SHROOM2: variants seen among roughly 807,000 people sequenced by gnomAD.
SHROOM2 encodes the protein protein Shroom2.
A neutral mutation model predicts 75.9 loss-of-function variants in SHROOM2; 33 were observed. The ratio of observed to expected loss-of-function variants is 0.43; its 90% CI spans 0.33 to 0.58. SHROOM2 has a LOEUF of 0.58. Among genes scored for constraint, SHROOM2 ranks in the 20% least tolerant of loss-of-function variants. SHROOM2 has a pLI of 0.04. For synonymous variants in SHROOM2, 655 were observed against 663.6 expected (o/e 0.99, Z 0.20); for missense variants, 1,434 against 1,461.2 (o/e 0.98, Z 0.30).
chrX:9,877,225 A>G (rs1005291580), intron 2 of SHROOM2, among the ~76,000 whole-genome samples: 7 of 111,689 alleles, frequency 6.3e-5, no homozygotes, highest in African/African-American at 2.0e-4. Flanking sequence ...GCGGATCACT[A>G]TCTCCGCAGA....
intron 1 of SHROOM2, among the ~76,000 whole-genome samples, chrX:9,825,431 G>A (rs781420999): frequency 8.9e-6 from 1 of 112,511 alleles, no homozygotes; most frequent in Admixed American, 9.4e-5. Flanking sequence ...ACAACATGGT[G>A]GGAGTCTGTT....
rs191693073 is a variant in SHROOM2 at position 9,837,769 on chromosome X, C to T, written c.166-35883C>T. ...AGCTCCTTGCGGCTGGGTGGGTCTC[C>T]TTCACCCTCCTGTCCTTGCTGGCTC... is the stretch of plus-strand genomic sequence containing the variant. On this transcript the variant is annotated intron_variant, in intron 1 of 9. Transcript: ENST00000380913. 3.0e-4 allele frequency among the ~76,000 whole-genome samples: 33 copies of T among 111,659 alleles called. No individual in the cohort carries two copies. In the East Asian group the frequency reaches 9.3e-3, roughly 32 times the overall value.
At chrX:9,888,278 G>A (rs1357228469) in intron 2 of SHROOM2, among the ~76,000 whole-genome samples, 1 of 111,866 alleles carries the variant, frequency 8.9e-6, no homozygotes, top group Non-Finnish European at 1.9e-5. Context: ...GGGGCCATAC[G>A]TGCAAATGAC....
At chrX:9,907,163 C>T (rs1026521053) in intron 5 of SHROOM2, among the ~76,000 whole-genome samples, 4 of 111,629 alleles carry the variant, frequency 3.6e-5, no homozygotes, top group Non-Finnish European at 5.7e-5. Flanking sequence ...AAGGAAACCT[C>T]TGAGTCAGGT....
At chrX:9,787,133 A>C (rs1427568545) in intron 1 of SHROOM2, among the ~76,000 whole-genome samples, 1 of 111,555 alleles carries the variant, frequency 9.0e-6, no homozygotes, top group African/African-American at 3.3e-5. Flanking sequence ...GATCACTACG[A>C]AATCCAGAGT....
intron 7 of SHROOM2, 113 bp from the exon 8 acceptor site, chrX:9,939,082 C>T: frequency 1.7e-6 from 1 of 598,698 alleles, no homozygotes; most frequent in Non-Finnish European, 2.5e-6. Flanking sequence ...ATCTCCCTGG[C>T]TGGTGTCCTT....
chrX:9,828,881 C>T (rs764493837), intron 1 of SHROOM2, among the ~76,000 whole-genome samples: 6 of 112,393 alleles, frequency 5.3e-5, no homozygotes, highest in African/African-American at 1.6e-4. Context: ...CAGGGTGTAG[C>T]GTAAGGACCA....
chrX:9,792,146 G>GAATAGAATAGAAT, intron 1 of SHROOM2, among the ~76,000 whole-genome samples: 2 of 8,623 alleles, frequency 2.3e-4, no homozygotes, highest in South Asian at 1.6e-3. Flanking sequence ...GAATAGAATA[G>GAATAGAATAGAAT]AATAGAATAG....
At chrX:9,889,382 G>A (rs997187584) in intron 2 of SHROOM2, among the ~76,000 whole-genome samples, 15 of 112,331 alleles carry the variant, frequency 1.3e-4, no homozygotes, top group African/African-American at 4.5e-4. Context: ...TCTCCACAAA[G>A]TATTTAAAGA....
intron 1 of SHROOM2, among the ~76,000 whole-genome samples, chrX:9,835,311 G>A (rs1396616263): frequency 1.8e-5 from 2 of 111,692 alleles, no homozygotes; most frequent in African/African-American, 6.5e-5. Context: ...AATTCCCGGG[G>A]CTCTGTCTCC....
intron 1 of SHROOM2, among the ~76,000 whole-genome samples, chrX:9,854,603 T>TA (rs1391425292): frequency 1.6e-4 from 18 of 112,386 alleles, no homozygotes; most frequent in African/African-American, 5.8e-4. Flanking sequence ...AGCAACTCAT[T>TA]ACTCTTCACG....
At chrX:9,802,016 T>C (rs1245917164) in intron 1 of SHROOM2, among the ~76,000 whole-genome samples, 1 of 111,738 alleles carries the variant, frequency 8.9e-6, no homozygotes, top group African/African-American at 3.2e-5. Flanking sequence ...CTTTTTACTC[T>C]TTGAAATGTA....
At chrX:9,800,843 G>T in intron 1 of SHROOM2, among the ~76,000 whole-genome samples, 1 of 108,746 alleles carries the variant, frequency 9.2e-6, no homozygotes, top group Non-Finnish European at 1.9e-5. Flanking sequence ...TTTATTTTTT[G>T]TAGATACAGA....
intron 5 of SHROOM2, among the ~76,000 whole-genome samples, chrX:9,900,927 G>A (rs2084362534): frequency 9.1e-6 from 1 of 110,291 alleles, no homozygotes; most frequent in South Asian, 3.9e-4. Flanking sequence ...CCTGCTTTGG[G>A]GAAATGCTCT....
chrX:9,899,089 G>GAA (rs200967541), intron 5 of SHROOM2, among the ~76,000 whole-genome samples: 5 of 102,971 alleles, frequency 4.9e-5, no homozygotes, highest in African/African-American at 1.1e-4. Flanking sequence ...ACTAAAAATA[G>GAA]AAAAAAAAAA....
At position 9,830,584 on chromosome X, in the gene SHROOM2, CTTTTTTTTTTTTTTTT is replaced by C. The variant is rs1166769024; in HGVS notation, c.166-43049_166-43034del. On this transcript the variant is annotated intron_variant, in intron 1 of 9. Transcript: ENST00000380913. ...AGGGTCTCAAGTGAACCCCTGGTTTCTTTTTTTTTTTTTTTTTTTTTTTTTTTTTTTTTTGAGACAG... is the reference window on the plus strand; with the variant it reads ...AGGGTCTCAAGTGAACCCCTGGTTTCTTTTTTTTTTTTTTTTTTGAGACAG... Among the ~76,000 whole-genome samples the C allele has an allele frequency of 1.6e-3, 55 of 33,646 alleles. 1 individual carries two copies. The Admixed American group carries it at 0.028, about 17-fold the overall frequency. 29.2% of individuals were successfully genotyped at this position (33,646 alleles called of 115,157 possible).
chrX:9,821,056 AT>A (rs2083850596), intron 1 of SHROOM2, among the ~76,000 whole-genome samples: 1 of 112,012 alleles, frequency 8.9e-6, no homozygotes, highest in South Asian at 3.7e-4. Flanking sequence ...CAGCATCAGT[AT>A]CCCCTGGGAA....
At chrX:9,805,908 A>G (rs2083748922) in intron 1 of SHROOM2, among the ~76,000 whole-genome samples, 1 of 106,486 alleles carries the variant, frequency 9.4e-6, no homozygotes, top group Admixed American at 1.0e-4. Context: ...TGTCTCAAAA[A>G]AAAAAAAAAA....
At chrX:9,876,730 A>G (rs1219787472) in intron 2 of SHROOM2, among the ~76,000 whole-genome samples, 3 of 112,700 alleles carry the variant, frequency 2.7e-5, no homozygotes, top group Non-Finnish European at 5.6e-5. Flanking sequence ...ACTTGTTGCA[A>G]TTGTCTGCCC....
Sources: gnomAD v4.1 joint callset for allele counts (sites outside exome capture counted in the v4.1 genomes callset) on GRCh38, gnomAD v4.1.1 for gene constraint, MANE v1.5 for transcripts, NCBI Gene and HGNC (gene_info 2026-07-23, HGNC 2026-07-21) for gene names.